The following DIAPH2 variants were observed in gnomAD, a reference collection of about 807,000 sequenced individuals.
The protein encoded by DIAPH2 is diaphanous related formin 2.
DIAPH2 carries 35 observed loss-of-function variants against 92.7 expected under a neutral mutation model. The observed-to-expected ratio is 0.38, with a 90% confidence interval of 0.29 to 0.50. DIAPH2 has a LOEUF of 0.50. Among genes scored for constraint, DIAPH2 ranks in the 20% least tolerant of loss-of-function variants. DIAPH2 has a pLI of 0.94. For missense variants in DIAPH2, 701 were observed against 819.5 expected, an observed-to-expected ratio of 0.86 and a Z score of 1.77; for synonymous variants, 301 against 280.4, an observed-to-expected ratio of 1.07 and a Z score of -0.73.
chrX:97,544,056 G>A (rs1033054667), intron 26 of DIAPH2, among the ~76,000 whole-genome samples: 1 of 111,512 alleles, frequency 9.0e-6, no homozygotes, highest in Non-Finnish European at 1.9e-5. Flanking sequence ...CTTCCTAAGT[G>A]CATTATTGAC....
At chrX:97,053,410 A>G (rs1198195148) in intron 17 of DIAPH2, among the ~76,000 whole-genome samples, 1 of 111,618 alleles carries the variant, frequency 9.0e-6, no homozygotes, top group Non-Finnish European at 1.9e-5. Flanking sequence ...ATATTCTATC[A>G]TACTTTCAGG....
intron 20 of DIAPH2, among the ~76,000 whole-genome samples, chrX:97,108,159 C>T (rs752993392): frequency 9.1e-6 from 1 of 110,311 alleles, no homozygotes; most frequent in African/African-American, 3.3e-5. Context: ...CTAAAGCTGT[C>T]AATGCACTTC....
chrX:97,478,362 ATCTCT>A (rs1879819085), intron 26 of DIAPH2, among the ~76,000 whole-genome samples: 4 of 111,481 alleles, frequency 3.6e-5, no homozygotes, highest in African/African-American at 1.3e-4. Flanking sequence ...ATGTCTTTGA[ATCTCT>A]GATTATATAC....
chrX:97,160,577 G>A (rs1274476169), intron 22 of DIAPH2, among the ~76,000 whole-genome samples: 1 of 111,789 alleles, frequency 8.9e-6, no homozygotes, highest in Non-Finnish European at 1.9e-5. Flanking sequence ...GTATCCCACT[G>A]TATGAAATGT....
At chrX:96,862,194 G>A (rs1191070041) in intron 4 of DIAPH2, among the ~76,000 whole-genome samples, 1 of 111,792 alleles carries the variant, frequency 8.9e-6, no homozygotes, top group Non-Finnish European at 1.9e-5. Context: ...CTGGCACATA[G>A]TAGATGCGTG....
At chrX:96,933,237 C>T (rs1227034754) in intron 10 of DIAPH2, among the ~76,000 whole-genome samples, 1 of 110,982 alleles carries the variant, frequency 9.0e-6, no homozygotes, top group Non-Finnish European at 1.9e-5. Flanking sequence ...AAAAAAAAAT[C>T]CTCCGCAGGT....
intron 26 of DIAPH2, among the ~76,000 whole-genome samples, chrX:97,468,660 G>A (rs1036814546): frequency 9.4e-6 from 1 of 106,293 alleles, no homozygotes; most frequent in African/African-American, 3.4e-5. Flanking sequence ...AAAAAACATC[G>A]TATTACTTGT....
intron 22 of DIAPH2, among the ~76,000 whole-genome samples, chrX:97,222,550 T>C (rs1026695103): frequency 4.5e-5 from 5 of 111,526 alleles, no homozygotes; most frequent in Non-Finnish European, 7.5e-5. Context: ...AATGACAAAA[T>C]GTGTCTGACC....
rs372037656 is a variant in DIAPH2, at chrX:96,949,867, GAA to G, written c.1614+842_1614+843del. Among the ~76,000 whole-genome samples, 639 of 71,417 alleles carry G rather than the reference GAA, an allele frequency of 8.9e-3. 7 individuals carry two copies. Among genetic ancestry groups the G allele is most frequent in the African/African-American group, 0.029 (614 of 21,532 alleles). The allele number at this position is 71,417 out of a possible 115,157, so 62.0% of individuals were successfully genotyped here. A position where few individuals can be genotyped will look rare whatever the true frequency, so the allele number is the denominator to read the frequency against. On this transcript the variant is annotated intron_variant, in intron 15 of 26. Transcript: ENST00000324765. ...AGAGCGAGACTCCGTCTGAAAAAAA[GAA>G]AAAAAAAAAAAAAGAAGTTGAAGAT...
chrX:97,317,811 G>A (rs1345101863), intron 23 of DIAPH2, among the ~76,000 whole-genome samples: 1 of 111,724 alleles, frequency 9.0e-6, no homozygotes, highest in South Asian at 3.7e-4. Context: ...TGTAATCACC[G>A]TAACTTGATT....
chrX:97,461,234 C>CT (rs11382843), intron 26 of DIAPH2, among the ~76,000 whole-genome samples: 46,566 of 97,784 alleles, frequency 0.48, 8,844 homozygotes, highest in Non-Finnish European at 0.57. Flanking sequence ...ACTAGTTTGT[C>CT]TTTTTTTTTT....
At chrX:97,186,779 A>G (rs1324799375) in intron 22 of DIAPH2, among the ~76,000 whole-genome samples, 1 of 112,044 alleles carries the variant, frequency 8.9e-6, no homozygotes, top group Non-Finnish European at 1.9e-5. Context: ...AATGCAGCCT[A>G]CAGGGCCTAG....
chrX:96,738,305 C>CT (rs200526880), intron 2 of DIAPH2, among the ~76,000 whole-genome samples: 3,532 of 109,730 alleles, frequency 0.032, 151 homozygotes, highest in African/African-American at 0.11. Context: ...TGATCCGAGA[C>CT]TTTTTTTTTC....
chrX:96,874,865 G>T (rs2065168257), intron 4 of DIAPH2, among the ~76,000 whole-genome samples: 1 of 111,452 alleles, frequency 9.0e-6, no homozygotes, highest in Non-Finnish European at 1.9e-5. Flanking sequence ...TAACAATATG[G>T]ACACAGAATT....
chrX:97,434,417 T>A (rs1447788479), intron 26 of DIAPH2, among the ~76,000 whole-genome samples: 1 of 106,825 alleles, frequency 9.4e-6, no homozygotes, highest in Non-Finnish European at 1.9e-5. Context: ...AACTTTTTTT[T>A]TTTTTTTTTT....
chrX:97,095,824 A>T (rs1438497540), intron 19 of DIAPH2, among the ~76,000 whole-genome samples: 2 of 112,194 alleles, frequency 1.8e-5, no homozygotes, highest in Non-Finnish European at 3.8e-5. Context: ...AACACTGACA[A>T]TCATCAGAAT....
chrX:97,287,155 A>G (rs376433560), intron 23 of DIAPH2, among the ~76,000 whole-genome samples: 263 of 111,381 alleles, frequency 2.4e-3, no homozygotes, highest in African/African-American at 8.0e-3. Flanking sequence ...CTAAAAGGAC[A>G]AAAATTAGCT....
intron 22 of DIAPH2, among the ~76,000 whole-genome samples, chrX:97,203,606 C>T (rs970077054): frequency 1.8e-5 from 2 of 111,775 alleles, no homozygotes; most frequent in African/African-American, 6.5e-5. Flanking sequence ...CATACACCCT[C>T]CCAAGACTAA....
intron 1 of DIAPH2, 126 bp downstream of exon 1, chrX:96,685,316 G>T (rs2147508654): frequency 1.2e-6 from 1 of 809,385 alleles, no homozygotes; most frequent in East Asian, 4.3e-5. Context: ...GTGCAACTCG[G>T]GGAGCCGCTA....
Sources: gnomAD v4.1 joint callset for allele counts (sites outside exome capture counted in the v4.1 genomes callset) on GRCh38, gnomAD v4.1.1 for gene constraint, MANE v1.5 for transcripts, NCBI Gene and HGNC (gene_info 2026-07-23, HGNC 2026-07-21) for gene names.